The following SLC35F3 variants were observed in gnomAD, a reference collection of about 807,000 sequenced individuals.
The protein encoded by SLC35F3 is putative thiamine transporter SLC35F3.
SLC35F3 carries 25 observed loss-of-function variants against 49.9 expected under a neutral mutation model. The observed-to-expected ratio is 0.50, with a 90% CI of 0.37 to 0.70. The LOEUF (loss-of-function observed/expected upper bound fraction) is 0.70, where lower values mean the gene tolerates loss of function less well. Ranked by LOEUF, SLC35F3 falls within the 30% of genes least tolerant of loss-of-function variation. SLC35F3 has a pLI of 0.00. For synonymous variants in SLC35F3, 275 were observed against 265.4 expected, an observed-to-expected ratio of 1.04 and a Z score of -0.35; for missense variants, 525 against 639.8, an observed-to-expected ratio of 0.82 and a Z score of 1.94.
At chr1:234,236,046 A>G (rs572309423) in intron 3 of SLC35F3, among the ~76,000 whole-genome samples, 2 of 152,278 alleles carry the variant, frequency 1.3e-5, no homozygotes, top group South Asian at 2.1e-4. Context: ...CAGATAGCCA[A>G]ACAGGGTGGG....
At chr1:234,252,497 C>T (rs79119763) in intron 3 of SLC35F3, among the ~76,000 whole-genome samples, 123 of 152,150 alleles carry the variant, frequency 8.1e-4, no homozygotes, top group African/African-American at 2.9e-3. Context: ...ATATGTGTAA[C>T]GCATATGATA....
chr1:234,166,825 G>T (rs1004272853), intron 2 of SLC35F3, among the ~76,000 whole-genome samples: 1 of 152,184 alleles, frequency 6.6e-6, no homozygotes. Context: ...AAGATCTTGT[G>T]GTTCCTTTCT....
intron 2 of SLC35F3, among the ~76,000 whole-genome samples, chr1:234,176,257 C>T (rs1666474504): frequency 6.6e-6 from 1 of 152,214 alleles, no homozygotes; most frequent in African/African-American, 2.4e-5. Flanking sequence ...AAGAATCACA[C>T]AGCAGTTGCG....
intron 2 of SLC35F3, among the ~76,000 whole-genome samples, chr1:234,223,869 G>A (rs1443587903): frequency 6.6e-6 from 1 of 152,102 alleles, no homozygotes; most frequent in Non-Finnish European, 1.5e-5. Context: ...TTAGTTTCTG[G>A]GGAGGGCTCT....
intron 2 of SLC35F3, among the ~76,000 whole-genome samples, chr1:234,054,686 A>G (rs1664428896): frequency 6.6e-6 from 1 of 152,190 alleles, no homozygotes; most frequent in Non-Finnish European, 1.5e-5. Flanking sequence ...TGTTGTTGGC[A>G]AAGAGCTGCG....
chr1:234,041,257 C>T (rs1664215579), intron 2 of SLC35F3, among the ~76,000 whole-genome samples: 1 of 152,154 alleles, frequency 6.6e-6, no homozygotes, highest in Admixed American at 6.5e-5. Context: ...CACTGTGTGA[C>T]AGTGGTCTGC....
chr1:234,309,035 A>C, intron 3 of SLC35F3, 66 bp from the exon 4 acceptor site: 2 of 1,287,544 alleles, frequency 1.6e-6, no homozygotes, highest in Non-Finnish European at 1.1e-6. Flanking sequence ...AAAACTTGCT[A>C]TAGGAAATAA....
chr1:234,270,015 T>C (rs190113485), intron 3 of SLC35F3, among the ~76,000 whole-genome samples: 60 of 152,304 alleles, frequency 3.9e-4, no homozygotes, highest in African/African-American at 1.3e-3. Context: ...GCCTCAGGTA[T>C]TCCTTTATAG....
intron 2 of SLC35F3, among the ~76,000 whole-genome samples, chr1:234,211,225 A>G (rs918295687): frequency 6.6e-6 from 1 of 152,248 alleles, no homozygotes; most frequent in Non-Finnish European, 1.5e-5. Context: ...AGTTTGCTGC[A>G]GGGGTGGCAC....
intron 2 of SLC35F3, among the ~76,000 whole-genome samples, chr1:234,133,267 A>G (rs952880553): frequency 1.1e-4 from 17 of 152,226 alleles, no homozygotes; most frequent in Admixed American, 1.0e-3. Flanking sequence ...ATTATCCTCA[A>G]GATCCATTCC....
At chr1:234,236,939 A>ATATT (rs1553317683) in intron 3 of SLC35F3, among the ~76,000 whole-genome samples, 3 of 99,356 alleles carry the variant, frequency 3.0e-5, no homozygotes, top group Non-Finnish European at 6.4e-5. Context: ...ATATATATAT[A>ATATT]TATATATATA....
At chr1:233,962,583 A>G (rs1662822045) in intron 2 of SLC35F3, among the ~76,000 whole-genome samples, 1 of 152,252 alleles carries the variant, frequency 6.6e-6, no homozygotes, top group Admixed American at 6.5e-5. Flanking sequence ...TAATGTCTAC[A>G]GAAAGTTAAA....
intron 2 of SLC35F3, among the ~76,000 whole-genome samples, chr1:234,038,851 G>A (rs1307943542): frequency 6.6e-6 from 1 of 152,200 alleles, no homozygotes; most frequent in African/African-American, 2.4e-5. Context: ...ACACCCATAG[G>A]ATTTGATTCT....
chr1:233,967,245 G>GC (rs112661542), intron 2 of SLC35F3, among the ~76,000 whole-genome samples: 3,794 of 151,294 alleles, frequency 0.025, 92 homozygotes, highest in Non-Finnish European at 0.035. Context: ...AAAAATGCAA[G>GC]CCCCCCCCAC....
At chr1:233,972,272 A>G (rs995723614) in intron 2 of SLC35F3, among the ~76,000 whole-genome samples, 1 of 152,238 alleles carries the variant, frequency 6.6e-6, no homozygotes, top group Non-Finnish European at 1.5e-5. Flanking sequence ...TCTAGGTCAA[A>G]GGACTTATCT....
At chr1:234,226,694 T>C (rs1667290749) in intron 2 of SLC35F3, among the ~76,000 whole-genome samples, 1 of 152,204 alleles carries the variant, frequency 6.6e-6, no homozygotes, top group Non-Finnish European at 1.5e-5. Flanking sequence ...GACCTGAGTT[T>C]CCTTCTGCTG....
intron 2 of SLC35F3, among the ~76,000 whole-genome samples, chr1:234,108,644 A>C (rs1665336475): frequency 8.9e-6 from 1 of 112,964 alleles, no homozygotes; most frequent in Non-Finnish European, 1.8e-5. Context: ...TTATATATAA[A>C]AGATACATAT....
chr1:234,157,325 C>T (rs1666169588), intron 2 of SLC35F3, among the ~76,000 whole-genome samples: 1 of 152,088 alleles, frequency 6.6e-6, no homozygotes, highest in Non-Finnish European at 1.5e-5. Flanking sequence ...ACGCAGCAGT[C>T]GGAGTGACCC....
chr1:234,163,226 C>T (rs972486391), intron 2 of SLC35F3, among the ~76,000 whole-genome samples: 1 of 152,246 alleles, frequency 6.6e-6, no homozygotes, highest in South Asian at 2.1e-4. Flanking sequence ...CCGCAAGGTA[C>T]ATCATACAAT....
Sources: gnomAD v4.1 joint callset for allele counts (sites outside exome capture counted in the v4.1 genomes callset) on GRCh38, gnomAD v4.1.1 for gene constraint, MANE v1.5 for transcripts, NCBI Gene and HGNC (gene_info 2026-07-23, HGNC 2026-07-21) for gene names.